The following AGAP1 variants were observed in gnomAD, a reference collection of about 807,000 sequenced individuals.
AGAP1 encodes the protein ArfGAP with GTPase domain, ankyrin repeat and PH domain 1.
In AGAP1, 29 loss-of-function variants were observed where a neutral mutation model predicts 105.3. The ratio of observed to expected loss-of-function variants is 0.28; its 90% confidence interval spans 0.21 to 0.38. The LOEUF (loss-of-function observed/expected upper bound fraction) is 0.38. Ranked by LOEUF, AGAP1 falls within the 10% of genes least tolerant of loss-of-function variation. AGAP1 has a pLI of 1.00. For synonymous variants in AGAP1, 509 were observed against 485.9 expected, an observed-to-expected ratio of 1.05 and a Z score of -0.63; for missense variants, 998 against 1,165.1, an observed-to-expected ratio of 0.86 and a Z score of 2.09.
chr2:236,122,542 G>T (rs1233605122), intron 17 of AGAP1, among the ~76,000 whole-genome samples: 1 of 152,068 alleles, frequency 6.6e-6, no homozygotes, highest in African/African-American at 2.4e-5. Context: ...TCTTTTTCAT[G>T]AGCAAAAAGC....
In AGAP1 at chr2:235,701,379, G is replaced by GTGGA. The variant is rs1295028301; in HGVS notation, c.164-7797_164-7794dup. Among the ~76,000 whole-genome samples, 1 of 152,068 alleles carries GTGGA rather than the reference G, an allele frequency of 6.6e-6. No individual in the cohort carries two copies. The highest frequency in any genetic ancestry group is 1.5e-5 in the Non-Finnish European group (1 of 68,022). ...GAGCCTTGGAATTGCAGGCAGTGGC[G>GTGGA]TGGATGTACCTGCAGGGGTGGGCAT... On this transcript the variant is annotated intron_variant, in intron 1 of 17. Transcript: ENST00000304032. This position sits in a 1 kb window ranked among gnomAD's most constrained non-coding sequence, Gnocchi z 4.1.
chr2:235,584,009 G>T (rs1442250985), intron 1 of AGAP1, among the ~76,000 whole-genome samples: 1 of 152,038 alleles, frequency 6.6e-6, no homozygotes, highest in African/African-American at 2.4e-5. Flanking sequence ...CCTGGCCAGG[G>T]CCTGTTTTTA....
chr2:235,786,712 G>A (rs1397717794), intron 6 of AGAP1, among the ~76,000 whole-genome samples: 1 of 152,218 alleles, frequency 6.6e-6, no homozygotes, highest in Non-Finnish European at 1.5e-5. Flanking sequence ...ATGTGCCTGT[G>A]ACAAGATCTC....
chr2:235,587,168 T>G (rs78092534), intron 1 of AGAP1, among the ~76,000 whole-genome samples: 1 of 152,190 alleles, frequency 6.6e-6, no homozygotes, highest in Admixed American at 6.5e-5. Flanking sequence ...TTGATTTCAC[T>G]TGTTAACTGA....
chr2:236,031,831 T>C (rs2057233436), intron 13 of AGAP1, among the ~76,000 whole-genome samples: 1 of 152,098 alleles, frequency 6.6e-6, no homozygotes, highest in South Asian at 2.1e-4. Flanking sequence ...GTCCCTGGCA[T>C]TGGGCTCTCT....
intron 9 of AGAP1, among the ~76,000 whole-genome samples, chr2:235,861,466 G>A (rs2048925104): frequency 6.6e-6 from 1 of 152,198 alleles, no homozygotes; most frequent in Non-Finnish European, 1.5e-5. Context: ...GCAACAGCAT[G>A]CAATCTCTGT....
intron 12 of AGAP1, among the ~76,000 whole-genome samples, chr2:235,966,722 G>T (rs1347623188): frequency 6.6e-6 from 1 of 152,178 alleles, no homozygotes; most frequent in East Asian, 1.9e-4. Context: ...GAGCCCTGGG[G>T]TGGCCCTTCA....
intron 1 of AGAP1, among the ~76,000 whole-genome samples, chr2:235,565,555 A>T (rs1391266701): frequency 1.3e-5 from 2 of 152,222 alleles, no homozygotes; most frequent in Admixed American, 1.3e-4. Flanking sequence ...TGTGAATGTT[A>T]TTATGAAGGT....
intron 1 of AGAP1, among the ~76,000 whole-genome samples, chr2:235,704,813 G>C (rs76135653): frequency 0.21 from 31,774 of 151,892 alleles, 3,596 homozygotes; most frequent in Middle Eastern, 0.28. Flanking sequence ...GGAGGTCAAG[G>C]GGGACTTTCC....
chr2:235,984,027 A>G lies in AGAP1; in HGVS notation c.1645+15404A>G, dbSNP rs78154139. Among the ~76,000 whole-genome samples, 1,010 of 152,252 alleles carry G rather than the reference A, an allele frequency of 6.6e-3. 11 individuals carry two copies. The highest frequency in any genetic ancestry group is 0.023 in the African/African-American group (966 of 41,536). ...TTCCCAAAACATTTTCTTCACTCCA[A>G]ACAGAAATCTGCTAACCATTAAGCA... On this transcript the variant is annotated intron_variant, in intron 13 of 17. Transcript: ENST00000304032.
In AGAP1 at chr2:235,719,261, C is replaced by T. The variant is rs1336212282; in HGVS notation, c.310+1617C>T. Among the ~76,000 whole-genome samples, 2 of 152,138 alleles carry T rather than the reference C, an allele frequency of 1.3e-5. No homozygotes were observed. Among genetic ancestry groups the T allele is most frequent in the Non-Finnish European group, 2.9e-5 (2 of 68,032 alleles). ...GGGCAGCGCTGGAGGCCCTGGGTTT[C>T]TGGAGTAAGAACAAGGACCACGACT... On this transcript the variant is annotated intron_variant, in intron 3 of 17. Coordinates refer to ENST00000304032, the MANE Select transcript of AGAP1 (RefSeq NM_001037131.3). This position sits in a 1 kb window ranked among gnomAD's most constrained non-coding sequence, Gnocchi z 4.9.
chr2:235,839,998 TTA>T (rs1182835340), intron 9 of AGAP1, among the ~76,000 whole-genome samples: 3 of 152,188 alleles, frequency 2.0e-5, no homozygotes, highest in Admixed American at 6.5e-5. Flanking sequence ...CTGAAATAAT[TTA>T]TGAGGAAAAT....
At chr2:235,947,260 G>T (rs1270317948) in intron 12 of AGAP1, among the ~76,000 whole-genome samples, 1 of 152,048 alleles carries the variant, frequency 6.6e-6, no homozygotes, top group African/African-American at 2.4e-5. Flanking sequence ...AAAGTCCATT[G>T]TATCACTCTT....
chr2:235,589,189 G>GTTTTTTTTTTTTTTTTTTTTTTTTTT (rs1205771315), intron 1 of AGAP1, among the ~76,000 whole-genome samples: 6 of 54,926 alleles, frequency 1.1e-4, no homozygotes, highest in Non-Finnish European at 2.2e-4. Flanking sequence ...ATAGCTTATT[G>GTTTTTTTTTTTTTTTTTTTTTTTTTT]TTTTGTTTTT....
chr2:235,786,379 G>A (rs749687557), intron 6 of AGAP1, among the ~76,000 whole-genome samples: 31 of 152,222 alleles, frequency 2.0e-4, no homozygotes, highest in Non-Finnish European at 3.8e-4. Flanking sequence ...ATAGCACAGT[G>A]ACCTAGTCTA....
At position 235,919,148 on chromosome 2, in the gene AGAP1, T is replaced by G. The variant is rs980862470; in HGVS notation, c.1324+10242T>G. Among the ~76,000 whole-genome samples the G allele has an allele frequency of 6.6e-6, 1 of 152,108 alleles. No individual in the cohort carries two copies. The highest frequency in any genetic ancestry group is 2.4e-5 in the African/African-American group (1 of 41,430). On this transcript the variant is annotated intron_variant, in intron 11 of 17. Transcript: ENST00000304032. The surrounding 1 kb of genome is among the most constrained non-coding windows in gnomAD (Gnocchi z 4.1). ...AAGAGGAGGTGCCCGGAAGAGCCTC[T>G]GTGAATTACCCGCGCCCCCTCCACC... is the stretch of plus-strand genomic sequence containing the variant.
At chr2:236,081,926 G>A (rs939000087) in intron 16 of AGAP1, among the ~76,000 whole-genome samples, 15 of 152,262 alleles carry the variant, frequency 9.9e-5, no homozygotes, top group Admixed American at 6.5e-4. Flanking sequence ...TCCCTGGAAC[G>A]AGAAAGGGGG....
At chr2:235,852,770 C>G (rs1355951677) in intron 9 of AGAP1, 1 of 1,537,800 alleles carries the variant, frequency 6.5e-7, no homozygotes, top group Non-Finnish European at 8.8e-7. Context: ...CTCCCCCTGG[C>G]CAGGGCCGAG....
Position 235,960,144 on chromosome 2 carries a change from G to A in AGAP1, c.1484-8318G>A, listed in dbSNP as rs2054120966. On this transcript the variant is annotated intron_variant, in intron 12 of 17. Transcript: ENST00000304032. The surrounding 1 kb of genome is among the most constrained non-coding windows in gnomAD (Gnocchi z 4.9). The stretch of plus-strand genomic sequence containing the variant: ...AGGGTGCTTGCGGACCCACCCTGGA[G>A]GACCTCGGCCCTGTAAGCAGCAGAT... Among the ~76,000 whole-genome samples, 1 of 152,170 alleles carries A rather than the reference G, an allele frequency of 6.6e-6. No homozygotes were observed. The highest frequency in any genetic ancestry group is 1.5e-5 in the Non-Finnish European group (1 of 68,034).
Sources: gnomAD v4.1 joint callset for allele counts (sites outside exome capture counted in the v4.1 genomes callset) on GRCh38, gnomAD v4.1.1 for gene constraint, Gnocchi (gnomAD v3.1) non-coding constraint, MANE v1.5 for transcripts, NCBI Gene and HGNC (gene_info 2026-07-23, HGNC 2026-07-21) for gene names.